SEC22A: variants seen among roughly 807,000 people sequenced by gnomAD.
The protein encoded by SEC22A is vesicle-trafficking protein SEC22a.
A neutral mutation model predicts 35.3 loss-of-function variants in SEC22A; 22 were observed. That is an observed-to-expected ratio of 0.62 (90% confidence interval 0.45 to 0.89). The LOEUF (loss-of-function observed/expected upper bound fraction) is 0.89. SEC22A is among the 40% of genes least tolerant of loss of function. SEC22A has a pLI of 0.00. For missense variants in SEC22A, 354 were observed against 362.5 expected (o/e 0.98, Z 0.19); for synonymous variants, 119 against 129.5 (o/e 0.92, Z 0.55).
chr3:123,272,026 G>A lies in SEC22A; in HGVS notation c.*304G>A, dbSNP rs924415762. On this transcript the variant is annotated 3_prime_UTR_variant, in exon 7 of 7. Coordinates refer to ENST00000492595, the MANE Select transcript of SEC22A (RefSeq NM_012430.5). ...AGCAGTCCTGAATCCTTCCTGAAGAGTTCAGAAAATAGATGTGGTATTGCT... is the reference window on the plus strand; with the variant it reads ...AGCAGTCCTGAATCCTTCCTGAAGAATTCAGAAAATAGATGTGGTATTGCT... 4 of 349,652 alleles carry A rather than the reference G, an allele frequency of 1.1e-5. No individual in the cohort carries two copies. Among genetic ancestry groups the A allele is most frequent in the Admixed American group, 4.4e-5 (1 of 22,758 alleles). 21.7% of individuals were successfully genotyped at this position (349,652 alleles called of 1,614,324 possible).
chr3:123,263,159 T>G (rs1937930637), intron 6 of SEC22A, among the ~76,000 whole-genome samples: 1 of 152,268 alleles, frequency 6.6e-6, no homozygotes, highest in Admixed American at 6.5e-5. Context: ...AATGGAATTA[T>G]ATAGTATATA....
In SEC22A at chr3:123,223,614, A is replaced by G. The variant is rs761265069; in HGVS notation, c.238A>G (p.Asn80Asp). The change falls in exon 3 of 7, where the codon AAT becomes GAT. Residue 80 changes from asparagine to aspartate, a missense_variant. Asn to Asp is a conservative substitution (Grantham distance 23). Coordinates refer to ENST00000492595, the MANE Select transcript of SEC22A (RefSeq NM_012430.5). ...YMMLCTENYP[N>D]VLAFSFLDEL... ...GATGTTGTGCACTGAAAATTACCCA[A>G]ATGTTCTCGCCTTCTCTTTCCTGGA... 3.1e-6 allele frequency: 5 copies of G among 1,613,526 alleles called. No homozygotes were observed. The highest frequency in any genetic ancestry group is 4.5e-5 in the East Asian group (2 of 44,858).
intron 2 of SEC22A, 36 bp from the exon 3 acceptor site, chr3:123,223,513 CTTGATTTAAT>C (rs1937166666): frequency 6.7e-7 from 1 of 1,500,474 alleles, no homozygotes; most frequent in East Asian, 2.3e-5. Context: ...AGTGAATTAC[CTTGATTTAAT>C]TTGAAATTTT....
At chr3:123,224,491 T>G (rs1429457021) in intron 3 of SEC22A, among the ~76,000 whole-genome samples, 1 of 152,176 alleles carries the variant, frequency 6.6e-6, no homozygotes, top group East Asian at 1.9e-4. Context: ...GATAGGAATC[T>G]CTATAAAAAT....
At chr3:123,250,445 A>T (rs1937602280) in intron 5 of SEC22A, among the ~76,000 whole-genome samples, 1 of 152,090 alleles carries the variant, frequency 6.6e-6, no homozygotes. Context: ...TTGGAGGAAA[A>T]CTGGAAAGGG....
chr3:123,235,340 A>G (rs1937400478), intron 4 of SEC22A, among the ~76,000 whole-genome samples: 1 of 152,238 alleles, frequency 6.6e-6, no homozygotes, highest in Admixed American at 6.5e-5. Flanking sequence ...AAACGATAAA[A>G]AGACATAATC....
At chr3:123,255,922 CTTTTT>C (rs35426251) in intron 5 of SEC22A, among the ~76,000 whole-genome samples, 2 of 143,750 alleles carry the variant, frequency 1.4e-5, no homozygotes, top group Non-Finnish European at 3.1e-5. Context: ...TTTCTTCTTT[CTTTTT>C]TTTTTTTTAC....
At chr3:123,226,972 G>A (rs1016828642) in intron 4 of SEC22A, among the ~76,000 whole-genome samples, 13 of 152,114 alleles carry the variant, frequency 8.5e-5, no homozygotes, top group African/African-American at 3.1e-4. Context: ...CATATTTATA[G>A]GCATGTAAAG....
chr3:123,271,468 A>C, intron 6 of SEC22A, 54 bp from the exon 7 acceptor site: 2 of 1,438,094 alleles, frequency 1.4e-6, no homozygotes, highest in Non-Finnish European at 1.9e-6. Flanking sequence ...TATTAGAAAC[A>C]TCTGTTTCTT....
chr3:123,241,439 G>A (rs577888440), intron 4 of SEC22A, among the ~76,000 whole-genome samples: 55 of 152,258 alleles, frequency 3.6e-4, no homozygotes, highest in South Asian at 1.2e-3. Context: ...CCTAGGCATT[G>A]TGGGCATCTT....
intron 1 of SEC22A, among the ~76,000 whole-genome samples, chr3:123,208,104 C>T (rs555961240): frequency 2.0e-5 from 3 of 152,100 alleles, no homozygotes; most frequent in Non-Finnish European, 4.4e-5. Context: ...ATCTTCGTCT[C>T]TTTATCCTTA....
At chr3:123,242,384 G>A (rs1287058581) in intron 4 of SEC22A, among the ~76,000 whole-genome samples, 1 of 151,968 alleles carries the variant, frequency 6.6e-6, no homozygotes, top group Non-Finnish European at 1.5e-5. Flanking sequence ...CGATCACCTA[G>A]AGGTAAAACC....
chr3:123,263,301 T>C (rs1937935042), intron 6 of SEC22A, among the ~76,000 whole-genome samples: 1 of 152,190 alleles, frequency 6.6e-6, no homozygotes, highest in Non-Finnish European at 1.5e-5. Flanking sequence ...GAGGGCCCTT[T>C]TCCTGGCTTG....
chr3:123,214,036 T>A (rs1368535460), intron 2 of SEC22A, among the ~76,000 whole-genome samples: 3 of 151,094 alleles, frequency 2.0e-5, no homozygotes, highest in Non-Finnish European at 4.4e-5. Flanking sequence ...ATAAAAAAAA[T>A]AAAAAATAAA....
intron 5 of SEC22A, among the ~76,000 whole-genome samples, chr3:123,259,000 T>C (rs768185931): frequency 3.3e-5 from 5 of 152,182 alleles, no homozygotes; most frequent in Non-Finnish European, 5.9e-5. Context: ...GACTGATTAG[T>C]CTTAATTTTT....
In SEC22A at chr3:123,261,147, T is replaced by A. The variant is rs1235204248; in HGVS notation, c.723+1558T>A. Among the ~76,000 whole-genome samples the A allele has an allele frequency of 3.9e-5, 6 of 152,180 alleles. No homozygotes were observed. The South Asian group carries it at 1.2e-3, about 31-fold the overall frequency. On this transcript the variant is annotated intron_variant, in intron 6 of 6. Coordinates refer to ENST00000492595, the MANE Select transcript of SEC22A (RefSeq NM_012430.5). ...ACCGCGCCTGACCAAAAAAATTGCT[T>A]GATTTTCTTAACCATTTATATTATC...
chr3:123,219,353 A>C (rs569027850), intron 2 of SEC22A, among the ~76,000 whole-genome samples: 1 of 152,322 alleles, frequency 6.6e-6, no homozygotes, highest in East Asian at 1.9e-4. Context: ...CGGGAATAAA[A>C]TAGAGATTGA....
At chr3:123,260,371 AC>A (rs1937863031) in intron 6 of SEC22A, among the ~76,000 whole-genome samples, 1 of 152,146 alleles carries the variant, frequency 6.6e-6, no homozygotes, top group East Asian at 1.9e-4. Flanking sequence ...TGGAATTATT[AC>A]TACAGGTAGA....
chr3:123,258,079 A>C (rs989944227), intron 5 of SEC22A, among the ~76,000 whole-genome samples: 2 of 152,016 alleles, frequency 1.3e-5, no homozygotes, highest in African/African-American at 4.8e-5. Flanking sequence ...AAACTATAGT[A>C]TCCAATTGTA....
Sources: allele counts gnomAD v4.1 joint callset (sites outside exome capture counted in the v4.1 genomes callset), GRCh38; gene constraint gnomAD v4.1.1; transcripts MANE v1.5; gene names NCBI Gene and HGNC (gene_info 2026-07-23, HGNC 2026-07-21).